The following CHSY3 variants were observed in gnomAD, a reference collection of about 807,000 sequenced individuals.
CHSY3 encodes the protein N-acetylgalactosaminyl-proteoglycan 3-beta-glucuronosyltransferase 3.
In CHSY3, 35 loss-of-function variants were observed where a neutral mutation model predicts 67.2. The observed-to-expected ratio is 0.52, with a 90% CI of 0.40 to 0.69. The LOEUF (loss-of-function observed/expected upper bound fraction) is 0.69, where lower values mean the gene tolerates loss of function less well. CHSY3 is among the 30% of genes least tolerant of loss of function. The pLI is 0.00. For missense variants in CHSY3, 1,069 were observed against 1,138.5 expected (o/e 0.94, Z 0.88); for synonymous variants, 474 against 434.7 (o/e 1.09, Z -1.12).
At chr5:130,165,859 T>C (rs1769732751) in intron 2 of CHSY3, among the ~76,000 whole-genome samples, 1 of 152,122 alleles carries the variant, frequency 6.6e-6, no homozygotes, top group African/African-American at 2.4e-5. Flanking sequence ...TGCCTTTTTG[T>C]GAAATATTTT....
intron 1 of CHSY3, 56 bp downstream of exon 1, chr5:129,905,687 TAA>T: frequency 3.8e-6 from 6 of 1,588,528 alleles, no homozygotes; most frequent in Non-Finnish European, 5.1e-6. Flanking sequence ...CCTTTCTCTG[TAA>T]CCGGTCCTAG....
At chr5:130,030,865 A>C (rs1764684577) in intron 2 of CHSY3, among the ~76,000 whole-genome samples, 1 of 152,132 alleles carries the variant, frequency 6.6e-6, no homozygotes, top group Admixed American at 6.6e-5. Context: ...GATGGTCTAA[A>C]GAATGGTAAT....
chr5:130,183,246 T>C (rs923230472), intron 2 of CHSY3, among the ~76,000 whole-genome samples: 5 of 152,164 alleles, frequency 3.3e-5, no homozygotes, highest in African/African-American at 1.2e-4. Flanking sequence ...ACTACATATT[T>C]TTTTTCATTT....
chr5:130,035,903 T>TC, intron 2 of CHSY3, among the ~76,000 whole-genome samples: 1 of 148,992 alleles, frequency 6.7e-6, no homozygotes, highest in East Asian at 2.0e-4. Context: ...TTTTTTTTTT[T>TC]TTTTTTTTTA....
At chr5:129,999,151 C>G (rs931482996) in intron 2 of CHSY3, among the ~76,000 whole-genome samples, 1 of 134,394 alleles carries the variant, frequency 7.4e-6, no homozygotes, top group Non-Finnish European at 1.6e-5. Flanking sequence ...TCCTGTGTGG[C>G]TAGCTATTTG....
intron 2 of CHSY3, among the ~76,000 whole-genome samples, chr5:129,990,377 A>AGTATGT (rs1554075038): frequency 6.8e-6 from 1 of 147,476 alleles, no homozygotes; most frequent in African/African-American, 2.5e-5. Context: ...TGAGTGAGTG[A>AGTATGT]GTGTGTGTGT....
intron 2 of CHSY3, among the ~76,000 whole-genome samples, chr5:130,085,538 T>A (rs1250746583): frequency 1.3e-5 from 2 of 152,162 alleles, no homozygotes; most frequent in African/African-American, 4.8e-5. Context: ...CTGTCAATTT[T>A]GTTGATCCTT....
chr5:129,988,132 A>C (rs1312395112), intron 2 of CHSY3, among the ~76,000 whole-genome samples: 1 of 152,176 alleles, frequency 6.6e-6, no homozygotes, highest in East Asian at 1.9e-4. Context: ...AGGGTTAAAA[A>C]CAGGTTATTT....
chr5:129,963,068 A>G (rs1762379119), intron 2 of CHSY3, among the ~76,000 whole-genome samples: 2 of 151,856 alleles, frequency 1.3e-5, no homozygotes, highest in East Asian at 3.9e-4. Flanking sequence ...AATAATGAGA[A>G]TTGACTATAA....
intron 2 of CHSY3, among the ~76,000 whole-genome samples, chr5:130,118,501 G>GTATA (rs572879814): frequency 0.032 from 4,504 of 140,822 alleles, 239 homozygotes; most frequent in African/African-American, 0.11. Flanking sequence ...GTGTGTGTGT[G>GTATA]TATATATATA....
At position 130,170,874 on chromosome 5, in the gene CHSY3, C is replaced by G. The variant is rs149901026; in HGVS notation, c.1087-13355C>G. 2.3e-4 allele frequency among the ~76,000 whole-genome samples: 35 copies of G among 150,346 alleles called. 1 individual carries two copies. The East Asian group carries it at 5.2e-3, about 22-fold the overall frequency. ...AGTCGTTTGAGTAACTATTACTTTA[C>G]ATTTTGTTTTTCAGAGGTCTTGAAA... On this transcript the variant is annotated intron_variant, in intron 2 of 2. Transcript: ENST00000305031.
intron 2 of CHSY3, among the ~76,000 whole-genome samples, chr5:130,063,288 CAAAT>C (rs1391535664): frequency 5.3e-5 from 8 of 152,030 alleles, no homozygotes; most frequent in South Asian, 4.1e-4. Context: ...TCAGCATAAA[CAAAT>C]AAGCCTTTTG....
At chr5:130,005,496 G>A (rs79092029) in intron 2 of CHSY3, among the ~76,000 whole-genome samples, 2 of 151,796 alleles carry the variant, frequency 1.3e-5, no homozygotes, top group South Asian at 2.1e-4. Flanking sequence ...CACTCTCTTA[G>A]TATGCATTGC....
At chr5:130,130,941 A>G (rs1768463846) in intron 2 of CHSY3, among the ~76,000 whole-genome samples, 1 of 152,088 alleles carries the variant, frequency 6.6e-6, no homozygotes, top group Non-Finnish European at 1.5e-5. Flanking sequence ...ATTCTCCATA[A>G]CCTCAGGATT....
intron 2 of CHSY3, among the ~76,000 whole-genome samples, chr5:129,965,959 T>G (rs2149610619): frequency 6.6e-6 from 1 of 152,012 alleles, no homozygotes; most frequent in South Asian, 2.1e-4. Context: ...ACTCCACAGA[T>G]TCTGGGTTCT....
chr5:130,070,727 T>C (rs1310133364), intron 2 of CHSY3, among the ~76,000 whole-genome samples: 1 of 152,070 alleles, frequency 6.6e-6, no homozygotes, highest in Admixed American at 6.6e-5. Context: ...TTTACTACTT[T>C]GATAAAATAT....
chr5:130,153,078 A>G (rs1238610208), intron 2 of CHSY3, among the ~76,000 whole-genome samples: 1 of 152,074 alleles, frequency 6.6e-6, no homozygotes, highest in Non-Finnish European at 1.5e-5. Context: ...TAAAAATACA[A>G]AAATTAGCTG....
chr5:129,932,197 A>G (rs2149589411), intron 2 of CHSY3, among the ~76,000 whole-genome samples: 1 of 147,008 alleles, frequency 6.8e-6, no homozygotes, highest in East Asian at 2.0e-4. Context: ...TTTTTAAGGA[A>G]TTGATTCACA....
At chr5:129,958,829 G>A (rs903138948) in intron 2 of CHSY3, among the ~76,000 whole-genome samples, 7 of 152,112 alleles carry the variant, frequency 4.6e-5, no homozygotes, top group Non-Finnish European at 1.0e-4. Context: ...AGTGTGCCTG[G>A]CAGATGCAGA....
Sources: allele counts gnomAD v4.1 joint callset (sites outside exome capture counted in the v4.1 genomes callset), GRCh38; gene constraint gnomAD v4.1.1; transcripts MANE v1.5; gene names NCBI Gene and HGNC (gene_info 2026-07-23, HGNC 2026-07-21).